Variants in FABP12 observed in about 807,000 individuals in gnomAD.
FABP12 encodes the protein fatty acid-binding protein 12.
Under a neutral mutation model 13.7 loss-of-function variants are expected in FABP12, and 19 were observed. The ratio of observed to expected loss-of-function variants is 1.39; its 90% CI spans 0.97 to 2.04. FABP12 has a LOEUF of 2.04. FABP12 is among the 30% of genes most tolerant of loss of function. The pLI is 0.00. For synonymous variants in FABP12, 61 were observed against 57.0 expected (o/e 1.07, Z -0.32); for missense variants, 182 against 164.2 (o/e 1.11, Z -0.59).
At chr8:81,583,476 C>T (rs1810197771) in intron 1 of FABP12, among the ~76,000 whole-genome samples, 1 of 151,472 alleles carries the variant, frequency 6.6e-6, no homozygotes, top group Non-Finnish European at 1.5e-5. Flanking sequence ...AGAAAGAATG[C>T]CCAAATAAAC....
chr8:81,580,879 A>C (rs550475981), intron 1 of FABP12, among the ~76,000 whole-genome samples: 2 of 152,220 alleles, frequency 1.3e-5, no homozygotes, highest in Admixed American at 6.5e-5. Context: ...ATACTTTATA[A>C]ATATAATAAA....
upstream of FABP12, among the ~76,000 whole-genome samples, chr8:81,536,502 T>C (rs74460938): frequency 1.0e-2 from 1,516 of 152,300 alleles, 25 homozygotes; most frequent in African/African-American, 0.034. Flanking sequence ...TCTGTAGATA[T>C]TGGCATGCAA....
rs1809923119 is a variant in FABP12 at position 81,571,066 on chromosome 8, C to CA, written c.-185+18986dup. Among the ~76,000 whole-genome samples, 4 of 151,870 alleles carry CA rather than the reference C, an allele frequency of 2.6e-5. No individual in the cohort carries two copies. The South Asian group carries it at 6.2e-4, about 24-fold the overall frequency. ...CCCTCAGGCCCCCACTCAGTCCCCC[C>CA]ACCCCACTTACACTTGTGGGTGGCC... On this transcript the variant is annotated intron_variant, in intron 1 of 5. Transcript: ENST00000692030.
chr8:81,565,277 A>T (rs1207929539), intron 1 of FABP12, among the ~76,000 whole-genome samples: 1 of 152,078 alleles, frequency 6.6e-6, no homozygotes, highest in Non-Finnish European at 1.5e-5. Flanking sequence ...TAGACAGACT[A>T]TCCAGACAGA....
chr8:81,538,994 G>A (rs1009152887), intron 2 of FABP12, among the ~76,000 whole-genome samples: 8 of 151,824 alleles, frequency 5.3e-5, no homozygotes, highest in Non-Finnish European at 1.0e-4. Flanking sequence ...GATTACGGGC[G>A]TGCACCACCA....
intron 1 of FABP12, among the ~76,000 whole-genome samples, chr8:81,562,937 T>C (rs1203804913): frequency 1.3e-5 from 2 of 152,124 alleles, no homozygotes; most frequent in African/African-American, 2.4e-5. Context: ...CAAATGTAAG[T>C]GGTAGTCAGG....
At chr8:81,578,415 C>T (rs1344160557) in intron 1 of FABP12, among the ~76,000 whole-genome samples, 2 of 151,860 alleles carry the variant, frequency 1.3e-5, no homozygotes, top group East Asian at 1.9e-4. Flanking sequence ...ACGAAAAATA[C>T]AAGTCACTGC....
At chr8:81,554,825 A>G (rs1809581417) in intron 1 of FABP12, among the ~76,000 whole-genome samples, 1 of 152,212 alleles carries the variant, frequency 6.6e-6, no homozygotes, top group African/African-American at 2.4e-5. Flanking sequence ...TCACAAACAC[A>G]CAAATCTCAT....
At chr8:81,563,138 T>C (rs562043138) in intron 1 of FABP12, among the ~76,000 whole-genome samples, 8 of 152,346 alleles carry the variant, frequency 5.3e-5, no homozygotes, top group Admixed American at 5.2e-4. Context: ...TGCCTGTTAA[T>C]CCAGATAATT....
chr8:81,534,826 C>T (rs192370172), upstream of FABP12, among the ~76,000 whole-genome samples: 90 of 152,186 alleles, frequency 5.9e-4, no homozygotes, highest in African/African-American at 2.1e-3. Context: ...CACCTGTAAT[C>T]CCAGCTTCTC....
chr8:81,582,748 C>T (rs1174895015), intron 1 of FABP12, among the ~76,000 whole-genome samples: 2 of 151,960 alleles, frequency 1.3e-5, no homozygotes, highest in Non-Finnish European at 2.9e-5. Flanking sequence ...GACTGTAATA[C>T]AGTAATAGTT....
chr8:81,529,856 AGTT>A (rs1251904371), intron 2 of FABP12, among the ~76,000 whole-genome samples: 1 of 152,190 alleles, frequency 6.6e-6, no homozygotes, highest in Admixed American at 6.5e-5. Flanking sequence ...ATCTGTCTCT[AGTT>A]GTTGTTTAGT....
rs1312420409 is a variant in FABP12 at position 81,583,679 on chromosome 8, A to T, written c.-185+6374T>A. Among the ~76,000 whole-genome samples, 3 of 152,166 alleles carry T rather than the reference A, an allele frequency of 2.0e-5. No homozygotes were observed. The East Asian group carries it at 5.8e-4, about 29-fold the overall frequency. The stretch of plus-strand genomic sequence containing the variant: ...AAACTTGAACAGACCAATAACAAGT[A>T]ATAAGATCAAGGTAATAATAAAAAG... On this transcript the variant is annotated intron_variant, in intron 1 of 5. Transcript: ENST00000692030.
chr8:81,527,522 C>G (rs1808937998), intron 3 of FABP12, among the ~76,000 whole-genome samples: 1 of 151,996 alleles, frequency 6.6e-6, no homozygotes, highest in South Asian at 2.1e-4. Context: ...ACCACCACGC[C>G]CAGCTAATTT....
intron 1 of FABP12, among the ~76,000 whole-genome samples, chr8:81,555,448 C>T (rs1490859596): frequency 1.3e-5 from 2 of 151,980 alleles, no homozygotes; most frequent in East Asian, 3.9e-4. Context: ...TCCAATTTTT[C>T]TTTTTGATTT....
At chr8:81,535,789 C>T (rs1406368855), upstream of FABP12, among the ~76,000 whole-genome samples, 1 of 152,106 alleles carries the variant, frequency 6.6e-6, no homozygotes, top group Non-Finnish European at 1.5e-5. Flanking sequence ...GGGCTTGTCA[C>T]CTATTGAGAC....
chr8:81,577,331 G>C (rs1810065952), intron 1 of FABP12, among the ~76,000 whole-genome samples: 1 of 152,000 alleles, frequency 6.6e-6, no homozygotes, highest in Non-Finnish European at 1.5e-5. Flanking sequence ...TTTCAGTGGA[G>C]GTATTTCCTT....
chr8:81,540,717 A>G (rs1020572909), intron 1 of FABP12, among the ~76,000 whole-genome samples: 1 of 152,222 alleles, frequency 6.6e-6, no homozygotes, highest in African/African-American at 2.4e-5. Flanking sequence ...AATAAAGTCT[A>G]TAGTTTAGTT....
At chr8:81,548,694 G>A (rs1484923206) in intron 1 of FABP12, among the ~76,000 whole-genome samples, 1 of 152,142 alleles carries the variant, frequency 6.6e-6, no homozygotes. Context: ...GTACAGTCTG[G>A]TAATCATCAG....
Sources: gnomAD v4.1 joint callset for allele counts (sites outside exome capture counted in the v4.1 genomes callset) on GRCh38, gnomAD v4.1.1 for gene constraint, MANE v1.5 for transcripts, NCBI Gene and HGNC (gene_info 2026-07-23, HGNC 2026-07-21) for gene names.